ELF2: variants seen among roughly 807,000 people sequenced by gnomAD.
ELF2 encodes the protein ETS-related transcription factor Elf-2.
A neutral mutation model predicts 54.8 loss-of-function variants in ELF2; 11 were observed. The observed-to-expected ratio is 0.20, with a 90% CI of 0.13 to 0.33. The LOEUF (loss-of-function observed/expected upper bound fraction) is 0.33, where lower values mean the gene tolerates loss of function less well. ELF2 is among the 10% of genes least tolerant of loss of function. The pLI is 1.00. For missense variants in ELF2, 513 were observed against 703.0 expected (o/e 0.73, Z 3.06); for synonymous variants, 203 against 245.1 (o/e 0.83, Z 1.61).
intron 1 of ELF2, among the ~76,000 whole-genome samples, chr4:139,160,478 G>A (rs1353665534): frequency 6.6e-6 from 1 of 152,074 alleles, no homozygotes; most frequent in South Asian, 2.1e-4. Context: ...AAGATCAGTC[G>A]ATGGTAGTGA....
At chr4:139,159,258 A>G (rs913759316) in intron 1 of ELF2, among the ~76,000 whole-genome samples, 1 of 152,226 alleles carries the variant, frequency 6.6e-6, no homozygotes, top group Non-Finnish European at 1.5e-5. Flanking sequence ...GTAGAATAGC[A>G]GATGGAACAC....
chr4:139,135,281 A>G (rs199997592), intron 3 of ELF2, among the ~76,000 whole-genome samples: 3,870 of 123,048 alleles, frequency 0.031, 164 homozygotes, highest in African/African-American at 0.12. Flanking sequence ...GTGTGTGTGT[A>G]TATATGAATG....
chr4:139,067,795 A>G (rs1421294625), intron 6 of ELF2, 25 bp from the exon 7 acceptor site: 1 of 1,553,412 alleles, frequency 6.4e-7, no homozygotes, highest in Admixed American at 1.9e-5. Flanking sequence ...TATTGAAACC[A>G]TACGTTGAAA....
intron 4 of ELF2, among the ~76,000 whole-genome samples, chr4:139,079,132 G>C (rs1267183096): frequency 1.3e-5 from 2 of 151,894 alleles, no homozygotes; most frequent in Non-Finnish European, 2.9e-5. Flanking sequence ...GTCTCACTAT[G>C]TTGTCCAGGC....
At chr4:139,154,203 T>C (rs1166493570) in intron 1 of ELF2, among the ~76,000 whole-genome samples, 1 of 152,332 alleles carries the variant, frequency 6.6e-6, no homozygotes, top group African/African-American at 2.4e-5. Context: ...CAGAACACAA[T>C]AGGTGCTCAA....
intron 7 of ELF2, 153 bp downstream of exon 7, chr4:139,067,531 C>A: frequency 1.5e-6 from 1 of 683,368 alleles, no homozygotes. Flanking sequence ...AAAAGCTCCC[C>A]ACGTGATGCT....
At chr4:139,121,354 C>T (rs1374915580) in intron 4 of ELF2, among the ~76,000 whole-genome samples, 1 of 151,658 alleles carries the variant, frequency 6.6e-6, no homozygotes, top group African/African-American at 2.4e-5. Context: ...GTGATTCACC[C>T]GCCTTGGCCT....
chr4:139,111,904 T>C (rs1202163881), intron 4 of ELF2, among the ~76,000 whole-genome samples: 2 of 152,202 alleles, frequency 1.3e-5, no homozygotes, highest in African/African-American at 4.8e-5. Context: ...CAGGGAGCTA[T>C]GAATGAGAAA....
intron 4 of ELF2, chr4:139,115,278 G>T (rs920556127): frequency 7.7e-5 from 123 of 1,600,960 alleles, no homozygotes; most frequent in Non-Finnish European, 9.5e-5. Flanking sequence ...TCCCGGGGGG[G>T]GCTCTGAAAG....
chr4:139,173,701 T>A (rs999553713), intron 1 of ELF2, among the ~76,000 whole-genome samples: 1 of 141,746 alleles, frequency 7.1e-6, no homozygotes, highest in Middle Eastern at 3.8e-3. Context: ...GAGGTTGCAA[T>A]GAGCTGAGAT....
intron 1 of ELF2, among the ~76,000 whole-genome samples, chr4:139,151,032 A>AAAAG (rs71600182): frequency 0.11 from 10,847 of 102,158 alleles, 890 homozygotes; most frequent in African/African-American, 0.14. Flanking sequence ...TCAAAAAAAA[A>AAAAG]AAAGAAAGAA....
chr4:139,135,470 C>T (rs1037175495), intron 3 of ELF2, among the ~76,000 whole-genome samples: 2 of 151,468 alleles, frequency 1.3e-5, no homozygotes, highest in African/African-American at 4.9e-5. Flanking sequence ...TAGCTCTAAA[C>T]TAAAATGTCA....
intron 4 of ELF2, among the ~76,000 whole-genome samples, chr4:139,086,173 A>G (rs1211658415): frequency 6.6e-6 from 1 of 151,782 alleles, no homozygotes; most frequent in Non-Finnish European, 1.5e-5. Flanking sequence ...AGAAAAATGG[A>G]AGAAAAAAGT....
At chr4:139,081,080 T>C (rs1731046638) in intron 4 of ELF2, among the ~76,000 whole-genome samples, 2 of 152,104 alleles carry the variant, frequency 1.3e-5, no homozygotes, top group South Asian at 4.1e-4. Context: ...GCCCTAAAGA[T>C]GTTAAGTCAC....
intron 1 of ELF2, among the ~76,000 whole-genome samples, chr4:139,170,669 A>AT (rs1161756247): frequency 1.3e-5 from 2 of 150,024 alleles, no homozygotes; most frequent in African/African-American, 4.9e-5. Context: ...TAAAAAAAAA[A>AT]ACTTCTTATA....
intron 1 of ELF2, among the ~76,000 whole-genome samples, chr4:139,164,003 GGGGCAA>G (rs1322653584): frequency 1.3e-5 from 2 of 149,246 alleles, no homozygotes; most frequent in East Asian, 3.9e-4. Context: ...GGAAAGGAAA[GGGGCAA>G]GGGCAAGAGA....
rs564516962 is a variant in ELF2 at position 139,067,662 on chromosome 4, A to G, written c.613+22T>C. The stretch of plus-strand genomic sequence containing the variant: ...ACTGAAAAAAAATCATCTCACTTCC[A>G]AAGCAACCCTCCCCAAATTACCTTT... On this transcript the variant is annotated intron_variant, in intron 7 of 9. Coordinates refer to ENST00000686138, the MANE Select transcript of ELF2 (RefSeq NM_001331036.3). The G allele has an allele frequency of 5.0e-6, 8 of 1,610,820 alleles. No homozygotes were observed. In the South Asian group the frequency reaches 6.6e-5, roughly 13 times the overall value.
chr4:139,162,137 T>C (rs1462498985), intron 1 of ELF2, among the ~76,000 whole-genome samples: 1 of 152,096 alleles, frequency 6.6e-6, no homozygotes, highest in East Asian at 1.9e-4. Context: ...CCTGGAATCC[T>C]GTGGTGAGCT....
intron 9 of ELF2, 132 bp downstream of exon 9, chr4:139,060,192 C>A: frequency 1.3e-6 from 1 of 793,022 alleles, no homozygotes; most frequent in Non-Finnish European, 1.9e-6. Context: ...ATTAAAACAT[C>A]AAGCACTTTT....
Sources: gnomAD v4.1 joint callset for allele counts (sites outside exome capture counted in the v4.1 genomes callset) on GRCh38, gnomAD v4.1.1 for gene constraint, MANE v1.5 for transcripts, NCBI Gene and HGNC (gene_info 2026-07-23, HGNC 2026-07-21) for gene names.